The following DNAH5 variants were observed in gnomAD, a reference collection of about 807,000 sequenced individuals.
DNAH5 encodes the protein dynein axonemal heavy chain 5.
A neutral mutation model predicts 518.2 loss-of-function variants in DNAH5; 372 were observed. The observed-to-expected ratio is 0.72, with a 90% confidence interval of 0.66 to 0.78. The LOEUF is 0.78. DNAH5 is among the 30% of genes least tolerant of loss of function. The probability of loss-of-function intolerance (pLI) is 0.00; values close to 1 mark genes in which losing one functional copy is unlikely to be tolerated. For synonymous variants in DNAH5, 2,039 were observed against 2,025.9 expected (o/e 1.01, Z -0.17); for missense variants, 5,523 against 5,687.0 (o/e 0.97, Z 0.93).
chr5:13,930,065 G>A (rs1778268064), intron 2 of DNAH5, among the ~76,000 whole-genome samples: 1 of 152,166 alleles, frequency 6.6e-6, no homozygotes, highest in Admixed American at 6.5e-5. Context: ...TGAGGAGAAG[G>A]AGAAAGAGGA....
intron 1 of DNAH5, among the ~76,000 whole-genome samples, chr5:13,964,731 T>G (rs1348615580): frequency 6.6e-6 from 1 of 152,314 alleles, no homozygotes; most frequent in East Asian, 1.9e-4. Flanking sequence ...TGAGCAGAAG[T>G]TGGGGATACA....
Position 13,691,421 on chromosome 5 carries a change from C to A in DNAH5, c.*563G>T, listed in dbSNP as rs189538534. 2.6e-5 allele frequency: 4 copies of A among 152,874 alleles called. No homozygotes were observed. Among genetic ancestry groups the A allele is most frequent in the Admixed American group, 6.5e-5 (1 of 15,378 alleles). 9.5% of individuals were successfully genotyped at this position (152,874 alleles called of 1,614,324 possible). ...ATAAGTAGGCTTAAGCATTGTTCTA[C>A]GTTTATTCTCTATGTTTACATAAAT... On this transcript the variant is annotated 3_prime_UTR_variant, in exon 79 of 79. Coordinates refer to ENST00000265104, the MANE Select transcript of DNAH5 (RefSeq NM_001369.3).
At position 13,695,237 on chromosome 5, in the gene DNAH5, C is replaced by T. The variant is rs555589799; in HGVS notation, c.13724-3102G>A. 1.7e-3 allele frequency among the ~76,000 whole-genome samples: 253 copies of T among 152,260 alleles called. 2 individuals carry two copies. The highest frequency in any genetic ancestry group is 5.6e-3 in the African/African-American group (231 of 41,550). On this transcript the variant is annotated intron_variant, in intron 78 of 78. Coordinates refer to ENST00000265104, the MANE Select transcript of DNAH5 (RefSeq NM_001369.3). ...GATGATAAAAGCCAGGAGAACAACC[C>T]GAGTATCCTGGCCCTCGGCTCACAG...
At chr5:13,883,927 C>T (rs1026113568) in intron 19 of DNAH5, among the ~76,000 whole-genome samples, 3 of 151,848 alleles carry the variant, frequency 2.0e-5, no homozygotes, top group Admixed American at 6.6e-5. Flanking sequence ...AGATGCTTTC[C>T]TTTAAATGTC....
chr5:13,865,274 T>C (rs897833329), intron 27 of DNAH5, among the ~76,000 whole-genome samples: 26 of 152,172 alleles, frequency 1.7e-4, no homozygotes, highest in Non-Finnish European at 1.3e-4. Context: ...ATTACAGGCA[T>C]GAGCTACTGC....
chr5:13,736,638 G>C (rs562272248), intron 66 of DNAH5, among the ~76,000 whole-genome samples: 2 of 152,068 alleles, frequency 1.3e-5, no homozygotes, highest in African/African-American at 4.8e-5. Context: ...TGTTGACCAG[G>C]CCTGTCTCAC....
intron 1 of DNAH5, among the ~76,000 whole-genome samples, chr5:13,957,556 C>G (rs553433574): frequency 1.3e-5 from 2 of 151,856 alleles, no homozygotes; most frequent in Non-Finnish European, 2.9e-5. Flanking sequence ...TCATATGGCC[C>G]AAGTTAAATA....
rs1774646878 is a variant in DNAH5, at chr5:13,901,669, T to C, written c.1731-96A>G. 7 of 751,882 alleles carry C rather than the reference T, an allele frequency of 9.3e-6. No individual in the cohort carries two copies. In the South Asian group the frequency reaches 1.4e-4, roughly 15 times the overall value. 46.6% of individuals were successfully genotyped at this position (751,882 alleles called of 1,614,324 possible). ...TAGTAATCTCATTTATTAATATTTA[T>C]TTTTTAAAATGCTAATGGAAAAGAA... is the stretch of plus-strand genomic sequence containing the variant. On this transcript the variant is annotated intron_variant, in intron 13 of 78. Coordinates refer to ENST00000265104, the MANE Select transcript of DNAH5 (RefSeq NM_001369.3).
At chr5:13,759,445 T>C (rs1297739499) in intron 60 of DNAH5, among the ~76,000 whole-genome samples, 1 of 152,202 alleles carries the variant, frequency 6.6e-6, no homozygotes, top group Admixed American at 6.5e-5. Flanking sequence ...TTGAGAGTTG[T>C]AGAAAAAAAC....
intron 1 of DNAH5, among the ~76,000 whole-genome samples, chr5:13,968,886 T>C (rs181556345): frequency 2.6e-5 from 4 of 152,306 alleles, no homozygotes; most frequent in Non-Finnish European, 4.4e-5. Flanking sequence ...GTCGATAGGA[T>C]TGATATCAAT....
At chr5:13,928,386 T>C (rs1045097785) in intron 2 of DNAH5, among the ~76,000 whole-genome samples, 1 of 152,176 alleles carries the variant, frequency 6.6e-6, no homozygotes, top group Non-Finnish European at 1.5e-5. Flanking sequence ...AAAAAAGTAA[T>C]TTCATGAATC....
rs754769674 is a variant in DNAH5, at chr5:13,882,944, G to A, written c.3134C>T (p.Pro1045Leu). The A allele has an allele frequency of 1.2e-6, 2 of 1,614,112 alleles. No individual in the cohort carries two copies. Among genetic ancestry groups the A allele is most frequent in the African/African-American group, 1.3e-5 (1 of 75,030 alleles). The change falls in exon 20 of 79, where the codon CCT becomes CTT. Residue 1045 changes from proline (P) to leucine (L), a missense_variant. Coordinates refer to ENST00000265104, the MANE Select transcript of DNAH5 (RefSeq NM_001369.3). ...ACTGCTCCACTGTCTGACCCCCTTA[G>A]GGACACTGATGATGCACTCCACGGC... ...NKAVECIISV[P>L]KGVRQWSSEL...
intron 30 of DNAH5, among the ~76,000 whole-genome samples, chr5:13,856,166 T>C (rs1767605182): frequency 6.6e-6 from 1 of 151,848 alleles, no homozygotes; most frequent in Non-Finnish European, 1.5e-5. Flanking sequence ...CCGAAGGAGA[T>C]AGAGACATGA....
chr5:13,990,606 T>C (rs339410), intron 1 of DNAH5, among the ~76,000 whole-genome samples: 152,086 of 152,108 alleles, frequency 1, 76,032 homozygotes, highest in Middle Eastern at 1. Context: ...GGTGGCTCAT[T>C]CCTATAATCC....
chr5:13,831,988 T>C (rs16902792), intron 35 of DNAH5, among the ~76,000 whole-genome samples: 60,507 of 151,850 alleles, frequency 0.4, 12,282 homozygotes, highest in East Asian at 0.61. Flanking sequence ...CTTCTCACTT[T>C]CCAGCTCTGG....
At chr5:13,702,057 C>A (rs1742192383) in intron 76 of DNAH5, among the ~76,000 whole-genome samples, 1 of 152,202 alleles carries the variant, frequency 6.6e-6, no homozygotes, top group Non-Finnish European at 1.5e-5. Context: ...GACTCTTTAT[C>A]ATCCACAAAC....
chr5:13,898,402 G>A (rs1385825309), intron 15 of DNAH5: 3 of 396,834 alleles, frequency 7.6e-6, no homozygotes, highest in Non-Finnish European at 8.9e-6. Flanking sequence ...TTGACTAAGT[G>A]AGTTTCCTAA....
chr5:13,697,069 C>T (rs1195937448), intron 78 of DNAH5, among the ~76,000 whole-genome samples: 1 of 151,996 alleles, frequency 6.6e-6, no homozygotes, highest in African/African-American at 2.4e-5. Context: ...AGTTTAGTCA[C>T]AAGAAAAAAC....
chr5:13,835,875 G>A (rs1380562642), intron 35 of DNAH5, among the ~76,000 whole-genome samples: 1 of 152,182 alleles, frequency 6.6e-6, no homozygotes. Context: ...ACAAGGCAAA[G>A]GACCCTGCTG....
Sources: gnomAD v4.1 joint callset for allele counts (sites outside exome capture counted in the v4.1 genomes callset) on GRCh38, gnomAD v4.1.1 for gene constraint, MANE v1.5 for transcripts, NCBI Gene and HGNC (gene_info 2026-07-23, HGNC 2026-07-21) for gene names.